RND2: variants seen among roughly 807,000 people sequenced by gnomAD.
RND2 encodes the protein rho-related GTP-binding protein RhoN.
In RND2, 16 loss-of-function variants were observed where a neutral mutation model predicts 25.9. The ratio of observed to expected loss-of-function variants is 0.62; its 90% CI spans 0.42 to 0.94. The LOEUF (loss-of-function observed/expected upper bound fraction) is 0.94. Ranked by LOEUF, RND2 falls within the 40% of genes least tolerant of loss-of-function variation. The probability of loss-of-function intolerance (pLI) is 0.00; values close to 1 mark genes in which losing one functional copy is unlikely to be tolerated. For synonymous variants in RND2, 97 were observed against 118.1 expected, an observed-to-expected ratio of 0.82 and a Z score of 1.16; for missense variants, 276 against 305.5, an observed-to-expected ratio of 0.90 and a Z score of 0.72.
At chr17:43,025,755 G>A (rs2050615633) in intron 1 of RND2, among the ~76,000 whole-genome samples, 1 of 143,144 alleles carries the variant, frequency 7.0e-6, no homozygotes, top group Non-Finnish European at 1.5e-5. Flanking sequence ...GACCAGAAGG[G>A]AACAGGAGGA....
chr17:43,025,809 GGGCAGGAGCTC>G, intron 1 of RND2, 140 bp from the exon 2 acceptor site: 1 of 146,598 alleles, frequency 6.8e-6, no homozygotes, highest in East Asian at 1.5e-4. Context: ...GGGGGGGGGG[GGGCAGGAGCTC>G]CCGGGATCTC....
In RND2 at chr17:43,032,026, A is replaced by AATAATCACAC. The variant is rs2050675895; in HGVS notation, c.*3347_*3356dup. On this transcript the variant is annotated 3_prime_UTR_variant, in exon 5 of 5. Transcript: ENST00000587250. ...CGTTAAACATTTAATGAAATAAACA[A>AATAATCACAC]ATAATCACACTGTGATGGCTGCCAG... The AATAATCACAC allele has an allele frequency of 6.6e-6, 1 of 151,650 alleles. No individual in the cohort carries two copies. The highest frequency in any genetic ancestry group is 1.5e-5 in the Non-Finnish European group (1 of 68,054). The allele number at this position is 151,650 out of a possible 1,614,324, so 9.4% of individuals were successfully genotyped here. A position where few individuals can be genotyped will look rare whatever the true frequency, so the allele number is the denominator to read the frequency against.
At chr17:43,025,862 C>T (rs1267314315) in intron 1 of RND2, 98 bp from the exon 2 acceptor site, 2 of 573,616 alleles carry the variant, frequency 3.5e-6, no homozygotes, top group Non-Finnish European at 5.6e-6. Context: ...AACTTGTGTC[C>T]AGGGGCTGGG....
At position 43,028,657 on chromosome 17, in the gene RND2, G is replaced by A. The variant is rs1161490522; in HGVS notation, c.661G>A (p.Ala221Thr). ...GNEGEIHKDR[A>T]KSCNLM ...TGAGGGCGAGATACACAAGGATCGA[G>A]CCAAAAGCTGCAACCTCATGTGAGG... The change falls in exon 5 of 5, where the codon GCC (alanine) becomes ACC (threonine). Residue 221 changes from alanine (A) to threonine (T), a missense_variant. Coordinates refer to ENST00000587250, the MANE Select transcript of RND2 (RefSeq NM_005440.5). 1.3e-6 allele frequency: 2 copies of A among 1,585,376 alleles called. No homozygotes were observed. Among genetic ancestry groups the A allele is most frequent in the South Asian group, 2.3e-5 (2 of 88,058 alleles).
rs1212902633 is a variant in RND2, at chr17:43,025,299, C to A, written c.-49C>A. 5.6e-6 allele frequency: 8 copies of A among 1,419,294 alleles called. No homozygotes were observed. Among genetic ancestry groups the A allele is most frequent in the Non-Finnish European group, 7.4e-6 (8 of 1,076,314 alleles). 87.9% of individuals were successfully genotyped at this position (1,419,294 alleles called of 1,614,324 possible). A position where few individuals can be genotyped will look rare whatever the true frequency, so the allele number is the denominator to read the frequency against. The stretch of plus-strand genomic sequence containing the variant: ...GTTGCAGGGGCGGGGGAGGCGGCGG[C>A]GGGGCCCGGGAGAGGGGTGGCGTGG... On this transcript the variant is annotated 5_prime_UTR_variant, in exon 1 of 5. Coordinates refer to ENST00000587250, the MANE Select transcript of RND2 (RefSeq NM_005440.5).
rs1362331819 is a variant in RND2 at position 43,025,341 on chromosome 17, C to T, written c.-7C>T. The T allele has an allele frequency of 6.5e-7, 1 of 1,535,874 alleles. No homozygotes were observed. Among genetic ancestry groups the T allele is most frequent in the Non-Finnish European group, 8.8e-7 (1 of 1,140,986 alleles). On this transcript the variant is annotated 5_prime_UTR_variant, in exon 1 of 5. Transcript: ENST00000587250. ...GTGGCGTGGGGGACCGGCGCGTAGC[C>T]GGGACCATGGAGGGGCAGAGCGGCC...
chr17:43,028,359 C>A, intron 4 of RND2, 73 bp from the exon 5 acceptor site: 1 of 1,590,280 alleles, frequency 6.3e-7, no homozygotes, highest in South Asian at 1.1e-5. Context: ...CCCCAGCCCA[C>A]AGCCTCCATG....
At position 43,030,875 on chromosome 17, in the gene RND2, G is replaced by A. The variant is rs1028595053; in HGVS notation, c.*2195G>A. 2 of 152,184 alleles carry A rather than the reference G, an allele frequency of 1.3e-5. No homozygotes were observed. The highest frequency in any genetic ancestry group is 4.8e-5 in the African/African-American group (2 of 41,426). The allele number at this position is 152,184 out of a possible 1,614,324, so 9.4% of individuals were successfully genotyped here. On this transcript the variant is annotated 3_prime_UTR_variant, in exon 5 of 5. Coordinates refer to ENST00000587250, the MANE Select transcript of RND2 (RefSeq NM_005440.5). Reference sequence around the variant, plus strand: ...AGGAATTTCAGGCAGAGAGTGAAGTGATCAGAGTTGTTTTTTGGATAGATG... The same window carrying A: ...AGGAATTTCAGGCAGAGAGTGAAGTAATCAGAGTTGTTTTTTGGATAGATG...
At position 43,030,520 on chromosome 17, in the gene RND2, T is replaced by C. The variant is rs568438004; in HGVS notation, c.*1840T>C. 2.3e-4 allele frequency: 35 copies of C among 152,506 alleles called. No homozygotes were observed. The highest frequency in any genetic ancestry group is 1.0e-4 in the Non-Finnish European group (7 of 68,058). The allele number at this position is 152,506 out of a possible 1,614,324, so 9.4% of individuals were successfully genotyped here. On this transcript the variant is annotated 3_prime_UTR_variant, in exon 5 of 5. Transcript: ENST00000587250. ...GTGTGGAAGAGAGGTACCTCAGGTG[T>C]GAGGGTGCCATGGCTGAGGGATATT...
chr17:43,028,631 A>T lies in RND2; in HGVS notation c.635A>T (p.Asn212Ile). The T allele has an allele frequency of 6.2e-7, 1 of 1,608,800 alleles. No homozygotes were observed. The highest frequency in any genetic ancestry group is 1.1e-5 in the South Asian group (1 of 90,360). Residue 212 changes from asparagine (N) to isoleucine (I), a missense_variant, in exon 5 of 5, where the codon AAT becomes ATT. Coordinates refer to ENST00000587250, the MANE Select transcript of RND2 (RefSeq NM_005440.5). The part of the protein sequence containing the change: ...AQLSGRPDRG[N>I]EGEIHKDRAK... Reference sequence around the variant, plus strand: ...CTGTCAGGACGGCCAGACCGGGGGAATGAGGGCGAGATACACAAGGATCGA... The same window carrying T: ...CTGTCAGGACGGCCAGACCGGGGGATTGAGGGCGAGATACACAAGGATCGA...
intron 2 of RND2, 70 bp downstream of exon 2, chr17:43,026,117 CT>C: frequency 9.2e-7 from 1 of 1,087,458 alleles, no homozygotes. Context: ...TGGTTAGACC[CT>C]TAGGTTCCAG....
Position 43,031,036 on chromosome 17 carries a change from G to A in RND2, c.*2356G>A, listed in dbSNP as rs1323633171. 9 of 152,154 alleles carry A rather than the reference G, an allele frequency of 5.9e-5. No homozygotes were observed. The highest frequency in any genetic ancestry group is 2.1e-4 in the South Asian group (1 of 4,820). 9.4% of individuals were successfully genotyped at this position (152,154 alleles called of 1,614,324 possible). A position where few individuals can be genotyped will look rare whatever the true frequency, so the allele number is the denominator to read the frequency against. ...TTTGGGAGGCCAAGCTGGGAGGATC[G>A]CTTGAGGCCAGGAGTTAGAGACTGC... On this transcript the variant is annotated 3_prime_UTR_variant, in exon 5 of 5. Coordinates refer to ENST00000587250, the MANE Select transcript of RND2 (RefSeq NM_005440.5).
At chr17:43,026,430 A>T (rs1165610251) in intron 2 of RND2, among the ~76,000 whole-genome samples, 1 of 152,124 alleles carries the variant, frequency 6.6e-6, no homozygotes, top group Non-Finnish European at 1.5e-5. Context: ...TGGGGGGATC[A>T]CCTGAGGTCA....
At chr17:43,025,535 C>T (rs1166713762) in intron 1 of RND2, 86 bp downstream of exon 1, 3 of 1,487,540 alleles carry the variant, frequency 2.0e-6, no homozygotes, top group Non-Finnish European at 1.8e-6. Flanking sequence ...GGAATGGGTA[C>T]TCGGGTAACC....
rs760306532 is a variant in RND2, at chr17:43,028,105, G to A, written c.345G>A (p.Val115=). ...TQEFCPNAKV[V]LVGCKLDMRT... is the part of the protein sequence containing the mutation. ...AGTTCTGCCCCAATGCCAAGGTTGT[G>A]CTGGTTGGCTGTAAACTGGACATGC... The change falls in exon 4 of 5, where the codon GTG becomes GTA. Residue 115 remains valine (V), a synonymous_variant. Coordinates refer to ENST00000587250, the MANE Select transcript of RND2 (RefSeq NM_005440.5). 4.3e-6 allele frequency: 7 copies of A among 1,614,142 alleles called. No individual in the cohort carries two copies. In the South Asian group the frequency reaches 6.6e-5, roughly 15 times the overall value.
In RND2 at chr17:43,025,390, G is replaced by T. The variant is rs1171235105; in HGVS notation, c.43G>T (p.Asp15Tyr). ...CCGCTGCAAGATCGTGGTGGTGGGA[G>T]ACGCAGAGTGCGGCAAGACGGCGCT... Reference protein sequence around the residue: ...SGRCKIVVVGDAECGKTALLQ... With the variant: ...SGRCKIVVVGYAECGKTALLQ... Residue 15 changes from aspartate to tyrosine, a missense_variant, in exon 1 of 5, where the codon GAC becomes TAC. Transcript: ENST00000587250. The T allele has an allele frequency of 1.3e-6, 2 of 1,554,444 alleles. No homozygotes were observed. The highest frequency in any genetic ancestry group is 8.7e-7 in the Non-Finnish European group (1 of 1,149,224).
intron 1 of RND2, among the ~76,000 whole-genome samples, chr17:43,025,731 T>G (rs1005765215): frequency 3.7e-5 from 5 of 134,194 alleles, no homozygotes; most frequent in African/African-American, 1.4e-4. Context: ...GGGGAAGAAC[T>G]AGGGGGCTGA....
chr17:43,026,128 G>A (rs994026724), intron 2 of RND2, 81 bp downstream of exon 2: 14 of 914,408 alleles, frequency 1.5e-5, no homozygotes, highest in Non-Finnish European at 2.3e-5. Context: ...TTAGGTTCCA[G>A]GTAAGCCCAG....
Position 43,025,366 on chromosome 17 carries a change from C to A in RND2, c.19C>A (p.Arg7Ser). Residue 7 changes from arginine (R) to serine (S), a missense_variant, in exon 1 of 5, where the codon CGC (arginine) becomes AGC (serine). Transcript: ENST00000587250. Reference protein sequence around the residue: MEGQSGRCKIVVVGDAE... With the variant: MEGQSGSCKIVVVGDAE... Reference sequence around the variant, plus strand: ...CGGGACCATGGAGGGGCAGAGCGGCCGCTGCAAGATCGTGGTGGTGGGAGA... The same window carrying A: ...CGGGACCATGGAGGGGCAGAGCGGCAGCTGCAAGATCGTGGTGGTGGGAGA... The A allele has an allele frequency of 6.4e-7, 1 of 1,550,430 alleles. No individual in the cohort carries two copies. Among genetic ancestry groups the A allele is most frequent in the Non-Finnish European group, 8.7e-7 (1 of 1,147,606 alleles).
Sources: allele counts gnomAD v4.1 joint callset (sites outside exome capture counted in the v4.1 genomes callset), GRCh38; gene constraint gnomAD v4.1.1; transcripts MANE v1.5; gene names NCBI Gene and HGNC (gene_info 2026-07-23, HGNC 2026-07-21).